PRUNE1: variants seen among roughly 807,000 people sequenced by gnomAD.
PRUNE1 encodes exopolyphosphatase PRUNE1.
In PRUNE1, 25 loss-of-function variants were observed where a neutral mutation model predicts 42.5. That is an observed-to-expected ratio of 0.59 (90% CI 0.43 to 0.82). The LOEUF is 0.82. Among genes scored for constraint, PRUNE1 ranks in the 40% least tolerant of loss-of-function variants. PRUNE1 has a pLI of 0.00. For synonymous variants in PRUNE1, 203 were observed against 217.1 expected, an observed-to-expected ratio of 0.93 and a Z score of 0.57; for missense variants, 443 against 539.3, an observed-to-expected ratio of 0.82 and a Z score of 1.77.
chr1:151,026,011 G>A (rs1429233570), intron 5 of PRUNE1, among the ~76,000 whole-genome samples: 1 of 151,850 alleles, frequency 6.6e-6, no homozygotes, highest in African/African-American at 2.4e-5. Context: ...AAAGTGCTGG[G>A]ATTACAGGCA....
At chr1:151,026,302 C>T (rs191155760) in intron 5 of PRUNE1, among the ~76,000 whole-genome samples, 20 of 151,654 alleles carry the variant, frequency 1.3e-4, no homozygotes, top group African/African-American at 2.2e-4. Context: ...ACTAAAAATA[C>T]GAAAAATTAG....
At chr1:151,015,626 T>C (rs1157557750) in intron 1 of PRUNE1, among the ~76,000 whole-genome samples, 1 of 99,758 alleles carries the variant, frequency 1.0e-5, no homozygotes, top group South Asian at 3.9e-4. Flanking sequence ...AGAGTGAGAC[T>C]CCATCTCAAA....
At chr1:151,032,299 C>CA (rs1675287638) in intron 7 of PRUNE1, among the ~76,000 whole-genome samples, 1 of 151,828 alleles carries the variant, frequency 6.6e-6, no homozygotes. Flanking sequence ...GTATGAATCC[C>CA]AGCACTTTCG....
intron 7 of PRUNE1, among the ~76,000 whole-genome samples, chr1:151,029,657 G>A (rs1482745219): frequency 9.9e-5 from 15 of 151,268 alleles, no homozygotes; most frequent in South Asian, 2.1e-4. Context: ...GTGAGCCACC[G>A]CGCCCAGCCG....
chr1:151,031,852 C>T (rs1280830712), intron 7 of PRUNE1, among the ~76,000 whole-genome samples: 3 of 152,088 alleles, frequency 2.0e-5, no homozygotes, highest in Non-Finnish European at 2.9e-5. Flanking sequence ...GTTTAACTGC[C>T]ATCATCTGCA....
intron 1 of PRUNE1, among the ~76,000 whole-genome samples, chr1:151,015,731 G>C (rs1357110345): frequency 1.3e-5 from 2 of 151,908 alleles, no homozygotes; most frequent in Non-Finnish European, 2.9e-5. Flanking sequence ...CTGAGTCTGG[G>C]AGGTGGAGTC....
chr1:151,029,235 C>T (rs979611069), intron 7 of PRUNE1, among the ~76,000 whole-genome samples: 10 of 151,060 alleles, frequency 6.6e-5, no homozygotes, highest in South Asian at 2.1e-4. Flanking sequence ...TTTGAAAGAA[C>T]GAAATCTAGT....
intron 5 of PRUNE1, among the ~76,000 whole-genome samples, chr1:151,026,182 C>T (rs1008906405): frequency 7.2e-5 from 11 of 151,890 alleles, no homozygotes; most frequent in Admixed American, 2.0e-4. Flanking sequence ...AAGGGCCAGA[C>T]GCAGTGGCTC....
chr1:151,020,982 TAA>T (rs752789540), intron 3 of PRUNE1, among the ~76,000 whole-genome samples: 6 of 135,928 alleles, frequency 4.4e-5, no homozygotes, highest in Non-Finnish European at 4.8e-5. Flanking sequence ...GACTCCATCT[TAA>T]AAAAAAAAAA....
chr1:151,020,857 C>T (rs1357620247), intron 3 of PRUNE1, among the ~76,000 whole-genome samples: 2 of 151,750 alleles, frequency 1.3e-5, no homozygotes, highest in Non-Finnish European at 2.9e-5. Flanking sequence ...TGGCGGACGC[C>T]GATAGTCCCA....
Position 151,018,621 on chromosome 1 carries a change from A to G in PRUNE1, c.287A>G (p.Gln96Arg), listed in dbSNP as rs943637567. The G allele has an allele frequency of 1.9e-6, 3 of 1,614,210 alleles. No homozygotes were observed. Among genetic ancestry groups the G allele is most frequent in the Non-Finnish European group, 1.7e-6 (2 of 1,180,034 alleles). The change falls in exon 3 of 8, where the codon CAG becomes CGG. Residue 96 changes from glutamine (Q) to arginine (R), a missense_variant. Gln to Arg is a conservative substitution (Grantham distance 43). Transcript: ENST00000271620. ...GAGATTGACCTCCATGCATTATACC[A>G]GGCTGGCCAACTCACCCTCATCCTT... ...RDEIDLHALYQAGQLTLILVD... is the reference protein window; with the variant it reads ...RDEIDLHALYRAGQLTLILVD...
At chr1:151,022,416 ATTT>A (rs35567560) in intron 3 of PRUNE1, among the ~76,000 whole-genome samples, 63 of 135,122 alleles carry the variant, frequency 4.7e-4, no homozygotes, top group African/African-American at 5.2e-4. Context: ...GGCCTGGCTA[ATTT>A]TTTTTTTTTT....
Position 151,017,704 on chromosome 1 carries a change from C to T in PRUNE1, c.40-108C>T, listed in dbSNP as rs376561886. 105 of 581,222 alleles carry T rather than the reference C, an allele frequency of 1.8e-4. 1 individual carries two copies. Among genetic ancestry groups the T allele is most frequent in the African/African-American group, 1.4e-3 (70 of 50,544 alleles). 36.0% of individuals were successfully genotyped at this position (581,222 alleles called of 1,614,324 possible). On this transcript the variant is annotated intron_variant, in intron 1 of 7. Transcript: ENST00000271620. ...TCACGCTACTGCATTCCAGCCTGGG[C>T]GACAGAGTGAGACCTGTCTCAAAAA...
rs1383015644 is a variant in PRUNE1, at chr1:151,035,247, CT to C, written c.*1014del. ...TCTGCCTCTTGCTGCCATTCTTTCTCTCCTCTGCTTCTCTGTATTTTTCTTC... is the reference window on the plus strand; with the variant it reads ...TCTGCCTCTTGCTGCCATTCTTTCTCCCTCTGCTTCTCTGTATTTTTCTTC... On this transcript the variant is annotated 3_prime_UTR_variant, in exon 8 of 8. Transcript: ENST00000271620. 6.6e-6 allele frequency: 1 copy of C among 152,216 alleles called. No individual in the cohort carries two copies. The highest frequency in any genetic ancestry group is 6.6e-5 in the Admixed American group (1 of 15,246). 9.4% of individuals were successfully genotyped at this position (152,216 alleles called of 1,614,324 possible).
chr1:151,028,329 TC>T (rs1675008289), intron 6 of PRUNE1, among the ~76,000 whole-genome samples: 1 of 152,168 alleles, frequency 6.6e-6, no homozygotes, highest in Admixed American at 6.6e-5. Flanking sequence ...AACCTCTGCC[TC>T]CCGGGTTCAA....
At chr1:151,024,899 A>C in intron 4 of PRUNE1, 104 bp downstream of exon 4, 1 of 1,197,588 alleles carries the variant, frequency 8.4e-7, no homozygotes, top group Non-Finnish European at 1.2e-6. Context: ...ATGCTCTCAG[A>C]GCCATTCAGC....
Position 151,029,365 on chromosome 1 carries a change from G to GTTTTTT in PRUNE1, c.933+438_933+443dup, listed in dbSNP as rs34073279. On this transcript the variant is annotated intron_variant, in intron 7 of 7. Coordinates refer to ENST00000271620, the MANE Select transcript of PRUNE1 (RefSeq NM_021222.3). ...GCAGAAGGATTGCTTAAGCTGGAAA[G>GTTTTTT]TTTTTTTTTTTTTTTTTTTTTTGAG... 1.0e-4 allele frequency among the ~76,000 whole-genome samples: 9 copies of GTTTTTT among 85,828 alleles called. 1 individual carries two copies. Among genetic ancestry groups the GTTTTTT allele is most frequent in the African/African-American group, 3.4e-4 (9 of 26,566 alleles). 56.3% of individuals were successfully genotyped at this position (85,828 alleles called of 152,430 possible).
chr1:151,008,980 T>G, intron 1 of PRUNE1: 1 of 537,424 alleles, frequency 1.9e-6, no homozygotes, highest in Non-Finnish European at 3.6e-6. Context: ...TCTTGGTCAG[T>G]TCCATCAAAA....
intron 1 of PRUNE1, among the ~76,000 whole-genome samples, chr1:151,010,745 TC>T (rs1466815680): frequency 2.0e-5 from 3 of 151,386 alleles, no homozygotes; most frequent in Non-Finnish European, 2.9e-5. Context: ...AACCTCCACT[TC>T]CCGAATTCAA....
Sources: gnomAD v4.1 joint callset for allele counts (sites outside exome capture counted in the v4.1 genomes callset) on GRCh38, gnomAD v4.1.1 for gene constraint, MANE v1.5 for transcripts, NCBI Gene and HGNC (gene_info 2026-07-23, HGNC 2026-07-21) for gene names.